PTPRE: variants seen among roughly 807,000 people sequenced by gnomAD.
The protein encoded by PTPRE is receptor-type tyrosine-protein phosphatase epsilon.
PTPRE carries 51 observed loss-of-function variants against 102.0 expected under a neutral mutation model. The observed-to-expected ratio is 0.50, with a 90% CI of 0.40 to 0.63. The LOEUF is 0.63. Among genes scored for constraint, PTPRE ranks in the 30% least tolerant of loss-of-function variants. The pLI is 0.00. For missense variants in PTPRE, 752 were observed against 915.1 expected (o/e 0.82, Z 2.30); for synonymous variants, 345 against 348.2 (o/e 0.99, Z 0.10).
intron 7 of PTPRE, 60 bp downstream of exon 7, chr10:128,056,273 C>A: frequency 7.0e-7 from 1 of 1,421,522 alleles, no homozygotes; most frequent in Non-Finnish European, 9.9e-7. Flanking sequence ...TCAGCTTTGC[C>A]TTGCAGCTCC....
chr10:128,065,288 A>T (rs1459193071), intron 10 of PTPRE, among the ~76,000 whole-genome samples: 3 of 152,224 alleles, frequency 2.0e-5, no homozygotes, highest in African/African-American at 7.2e-5. Context: ...ATACTCTCTG[A>T]CTACTGGCAG....
intron 1 of PTPRE, among the ~76,000 whole-genome samples, chr10:127,949,458 G>T (rs558219104): frequency 6.6e-6 from 1 of 152,084 alleles, no homozygotes; most frequent in Non-Finnish European, 1.5e-5. Context: ...TTCTAATAGC[G>T]CAGAGAGCAC....
At chr10:127,928,644 C>T (rs953353592) in intron 1 of PTPRE, among the ~76,000 whole-genome samples, 1 of 152,204 alleles carries the variant, frequency 6.6e-6, no homozygotes, top group Non-Finnish European at 1.5e-5. Flanking sequence ...CTGCACTCAT[C>T]TACAACGCTG....
intron 1 of PTPRE, among the ~76,000 whole-genome samples, chr10:127,937,254 GA>G (rs1305850373): frequency 1.3e-5 from 2 of 151,906 alleles, no homozygotes; most frequent in African/African-American, 4.8e-5. Flanking sequence ...CCCCTAGGAA[GA>G]AAAAAAGGGC....
At chr10:128,076,085 T>A (rs1448920621) in intron 17 of PTPRE, among the ~76,000 whole-genome samples, 2 of 152,272 alleles carry the variant, frequency 1.3e-5, no homozygotes, top group African/African-American at 4.8e-5. Context: ...ATTGGTTAGC[T>A]GTTTGGGCTC....
At chr10:127,941,641 G>T (rs1217377087) in intron 1 of PTPRE, among the ~76,000 whole-genome samples, 1 of 152,202 alleles carries the variant, frequency 6.6e-6, no homozygotes, top group African/African-American at 2.4e-5. Context: ...TTTCCTAGCC[G>T]CACTTGGTTT....
chr10:128,067,115 T>C (rs1280517833), intron 11 of PTPRE, among the ~76,000 whole-genome samples: 3 of 138,610 alleles, frequency 2.2e-5, no homozygotes, highest in Admixed American at 7.2e-5. Flanking sequence ...CACACAACCG[T>C]ACAATGCATG....
chr10:128,053,567 G>A (rs1401849423), intron 6 of PTPRE, among the ~76,000 whole-genome samples: 1 of 152,154 alleles, frequency 6.6e-6, no homozygotes, highest in Non-Finnish European at 1.5e-5. Flanking sequence ...ATACATACGT[G>A]TGCGGTGCAC....
chr10:127,962,038 A>G (rs1849859735), intron 1 of PTPRE, among the ~76,000 whole-genome samples: 1 of 152,186 alleles, frequency 6.6e-6, no homozygotes, highest in Admixed American at 6.5e-5. Flanking sequence ...GGCTGTTTTA[A>G]TTTCATCAAA....
intron 1 of PTPRE, among the ~76,000 whole-genome samples, chr10:127,914,525 T>TG (rs1846077960): frequency 6.6e-6 from 1 of 152,228 alleles, no homozygotes; most frequent in Non-Finnish European, 1.5e-5. Flanking sequence ...GATGGATCTT[T>TG]GGAGGTGGGA....
intron 1 of PTPRE, among the ~76,000 whole-genome samples, chr10:127,950,214 A>G (rs1414108896): frequency 6.6e-6 from 1 of 152,144 alleles, no homozygotes; most frequent in African/African-American, 2.4e-5. Flanking sequence ...AAGGGTATGG[A>G]CTAACAGAGA....
chr10:127,986,660 C>T (rs993129591), intron 2 of PTPRE, among the ~76,000 whole-genome samples: 1 of 152,138 alleles, frequency 6.6e-6, no homozygotes, highest in Non-Finnish European at 1.5e-5. Flanking sequence ...TCTCTTCTGA[C>T]TCATTTGTGT....
intron 2 of PTPRE, among the ~76,000 whole-genome samples, chr10:128,033,107 A>G (rs915566501): frequency 8.5e-5 from 13 of 152,340 alleles, no homozygotes; most frequent in African/African-American, 2.9e-4. Context: ...CTACTAAGAG[A>G]TCATCAGTAT....
intron 1 of PTPRE, among the ~76,000 whole-genome samples, chr10:127,919,923 T>C (rs546795494): frequency 1.1e-4 from 17 of 152,298 alleles, no homozygotes; most frequent in African/African-American, 3.8e-4. Context: ...CAGTGGATTT[T>C]TTTTTTTTCC....
rs552816796 is a variant in PTPRE, at chr10:127,986,221, CAATAGATTTATGAA to C, written c.-8+3930_-8+3943del. On this transcript the variant is annotated intron_variant, in intron 2 of 20. Transcript: ENST00000254667. The stretch of plus-strand genomic sequence containing the variant: ...TCCTTTCCTTTTTGTTTGTCTTTAA[CAATAGATTTATGAA>C]AATAACACTGTAGTTCGTATCAGTG... 9.0e-4 allele frequency among the ~76,000 whole-genome samples: 137 copies of C among 152,216 alleles called. 1 individual carries two copies. The highest frequency in any genetic ancestry group is 6.5e-3 in the Admixed American group (99 of 15,288).
At chr10:128,011,396 C>T (rs1387172237) in intron 2 of PTPRE, among the ~76,000 whole-genome samples, 2 of 152,208 alleles carry the variant, frequency 1.3e-5, no homozygotes. Context: ...TGCAAGGATA[C>T]TGGTTGAGGT....
At chr10:128,081,358 C>T (rs1020551481) in intron 20 of PTPRE, among the ~76,000 whole-genome samples, 4 of 152,218 alleles carry the variant, frequency 2.6e-5, no homozygotes, top group African/African-American at 9.6e-5. Context: ...CTCCTGGAGT[C>T]TGTGGATTGA....
At position 128,073,195 on chromosome 10, in the gene PTPRE, G is replaced by A. The variant is rs114084318; in HGVS notation, c.1465-142G>A. ...TTGTCAGGTGTGTGCCTGAGTGCTC[G>A]TGCCAACTGGGGTCTGGTGCAGACC... On this transcript the variant is annotated intron_variant, in intron 16 of 20. Transcript: ENST00000254667. 1.6e-3 allele frequency: 1,852 copies of A among 1,157,638 alleles called. 20 individuals carry two copies. The African/African-American group carries it at 0.023, about 15-fold the overall frequency. The allele number at this position is 1,157,638 out of a possible 1,614,324, so 71.7% of individuals were successfully genotyped here.
chr10:128,050,151 G>A (rs895641606), intron 6 of PTPRE, among the ~76,000 whole-genome samples: 3 of 116,584 alleles, frequency 2.6e-5, no homozygotes, highest in African/African-American at 1.0e-4. Flanking sequence ...GAGAACACTA[G>A]CTATATCTGC....
Sources: gnomAD v4.1 joint callset for allele counts (sites outside exome capture counted in the v4.1 genomes callset) on GRCh38, gnomAD v4.1.1 for gene constraint, MANE v1.5 for transcripts, NCBI Gene and HGNC (gene_info 2026-07-23, HGNC 2026-07-21) for gene names.